Variants in NOX5 observed in about 807,000 individuals in gnomAD.
The protein encoded by NOX5 is NADPH oxidase, EF-hand calcium binding domain 5.
Under a neutral mutation model 85.7 loss-of-function variants are expected in NOX5, and 76 were observed. The ratio of observed to expected loss-of-function variants is 0.89; its 90% CI spans 0.74 to 1.07. The LOEUF is 1.07. Ranked by LOEUF, NOX5 falls within the 50% of genes least tolerant of loss-of-function variation. NOX5 has a pLI of 0.00. For synonymous variants in NOX5, 405 were observed against 401.4 expected, an observed-to-expected ratio of 1.01 and a Z score of -0.11; for missense variants, 973 against 999.5, an observed-to-expected ratio of 0.97 and a Z score of 0.36.
chr15:69,027,275 C>T (rs1438423703), intron 2 of NOX5, among the ~76,000 whole-genome samples: 2 of 152,126 alleles, frequency 1.3e-5, no homozygotes, highest in Non-Finnish European at 2.9e-5. Flanking sequence ...CCTCCTTTCA[C>T]AGCAAATATG....
At chr15:69,049,372 G>A (rs562553506) in intron 14 of NOX5, among the ~76,000 whole-genome samples, 89 of 150,800 alleles carry the variant, frequency 5.9e-4, no homozygotes, top group Non-Finnish European at 1.0e-3. Flanking sequence ...TTTTTTTCTC[G>A]TAGAGATGAA....
chr15:69,052,212 T>G (rs905456958), intron 14 of NOX5, among the ~76,000 whole-genome samples: 1 of 148,332 alleles, frequency 6.7e-6, no homozygotes, highest in African/African-American at 2.5e-5. Context: ...AGTAAGACCC[T>G]GTCTCAAAAA....
chr15:69,033,798 G>A lies in NOX5; in HGVS notation c.855+521G>A, dbSNP rs576524912. Among the ~76,000 whole-genome samples the A allele has an allele frequency of 7.6e-3, 1,138 of 149,378 alleles. 11 individuals carry two copies. Among genetic ancestry groups the A allele is most frequent in the Middle Eastern group, 0.017 (5 of 292 alleles). On this transcript the variant is annotated intron_variant, in intron 5 of 15. Coordinates refer to ENST00000388866, the MANE Select transcript of NOX5 (RefSeq NM_024505.4). Reference sequence around the variant, plus strand: ...CAACTTTTGCCTCCCGGGTTCAAGCGATCCTCCTGCCTCAGCCTCCCCGTA... The same window carrying A: ...CAACTTTTGCCTCCCGGGTTCAAGCAATCCTCCTGCCTCAGCCTCCCCGTA...
At chr15:69,037,233 G>T in intron 8 of NOX5, 23 bp downstream of exon 8, 1 of 1,602,700 alleles carries the variant, frequency 6.2e-7, no homozygotes, top group Non-Finnish European at 8.5e-7. Context: ...GGGATGGGGA[G>T]GTGCTTTTCC....
At position 69,056,843 on chromosome 15, in the gene NOX5, C is replaced by T; in HGVS notation, c.*147C>T. 1.0e-6 allele frequency: 1 copy of T among 969,498 alleles called. No individual in the cohort carries two copies. The highest frequency in any genetic ancestry group is 1.8e-5 in the South Asian group (1 of 55,178). 60.1% of individuals were successfully genotyped at this position (969,498 alleles called of 1,614,324 possible). On this transcript the variant is annotated 3_prime_UTR_variant, in exon 16 of 16. Transcript: ENST00000388866. Reference sequence around the variant, plus strand: ...CCCTAATCCTGCTCAACAGAGAGAACAGGAGACCCCAAGGGGCAGATGAAC... The same window carrying T: ...CCCTAATCCTGCTCAACAGAGAGAATAGGAGACCCCAAGGGGCAGATGAAC...
rs189602470 is a variant in NOX5 at position 69,044,105 on chromosome 15, A to G, written c.1647+1300A>G. Among the ~76,000 whole-genome samples, 24 of 151,928 alleles carry G rather than the reference A, an allele frequency of 1.6e-4. No individual in the cohort carries two copies. In the East Asian group the frequency reaches 4.5e-3, roughly 28 times the overall value. The stretch of plus-strand genomic sequence containing the variant: ...AGGCTGGGGCAGGAGAATCTCTTGA[A>G]CCCAGGAGGCAGAGGTTGCAGTGAG... On this transcript the variant is annotated intron_variant, in intron 10 of 15. Coordinates refer to ENST00000388866, the MANE Select transcript of NOX5 (RefSeq NM_024505.4).
intron 14 of NOX5, among the ~76,000 whole-genome samples, 173 bp downstream of exon 14, chr15:69,049,231 G>A (rs1333351361): frequency 4.8e-5 from 7 of 145,198 alleles, no homozygotes; most frequent in South Asian, 4.4e-4. Flanking sequence ...TCACTCTGTC[G>A]CCCAAGCTGA....
At position 69,055,516 on chromosome 15, in the gene NOX5, G is replaced by A. The variant is rs753187354; in HGVS notation, c.2166+16G>A. On this transcript the variant is annotated intron_variant, in intron 15 of 15. Transcript: ENST00000388866. The stretch of plus-strand genomic sequence containing the variant: ...CTGGAGCAAGGTAATGCCAACTGGA[G>A]CCCTGCAGCTTGCAGGTATGGATGA... 5.0e-6 allele frequency: 8 copies of A among 1,611,388 alleles called. No homozygotes were observed. The Admixed American group carries it at 1.3e-4, about 27-fold the overall frequency.
chr15:69,026,621 A>G lies in NOX5; in HGVS notation c.144A>G (p.Gln48=). 6.2e-7 allele frequency: 1 copy of G among 1,614,234 alleles called. No individual in the cohort carries two copies. Among genetic ancestry groups the G allele is most frequent in the East Asian group, 2.2e-5 (1 of 44,878 alleles). The change falls in exon 2 of 16, where the codon CAA becomes CAG. Residue 48 remains glutamine (Q), a synonymous_variant. Coordinates refer to ENST00000388866, the MANE Select transcript of NOX5 (RefSeq NM_024505.4). ...GAGAAGATGGGGAGATCAGCCTGCA[A>G]GAATTCAAAGCAGCTCTGCATGTGA... is the stretch of plus-strand genomic sequence containing the variant. ...IAGEDGEISL[Q]EFKAALHVKE... is the part of the protein sequence containing the mutation.
chr15:69,034,596 C>CATAAATAT (rs1450204431), intron 5 of NOX5, among the ~76,000 whole-genome samples: 1 of 152,202 alleles, frequency 6.6e-6, no homozygotes, highest in Non-Finnish European at 1.5e-5. Flanking sequence ...CCTTGGCAAA[C>CATAAATAT]ATAAATATAC....
Position 69,059,224 on chromosome 15 carries a change from A to C in NOX5, c.*2528A>C, listed in dbSNP as rs2050848677. The C allele has an allele frequency of 6.6e-6, 1 of 152,152 alleles. No individual in the cohort carries two copies. Among genetic ancestry groups the C allele is most frequent in the Non-Finnish European group, 1.5e-5 (1 of 68,044 alleles). 9.4% of individuals were successfully genotyped at this position (152,152 alleles called of 1,614,324 possible). A position where few individuals can be genotyped will look rare whatever the true frequency, so the allele number is the denominator to read the frequency against. ...GTGACGACCATATGCCCGTGTCCTG[A>C]GGTTTTCTCTCCAGACAGATTCCAG... On this transcript the variant is annotated 3_prime_UTR_variant, in exon 16 of 16. Coordinates refer to ENST00000388866, the MANE Select transcript of NOX5 (RefSeq NM_024505.4).
In NOX5 at chr15:69,042,765, C is replaced by T. The variant is rs528236853; in HGVS notation, c.1607C>T (p.Ser536Leu). Residue 536 changes from serine to leucine, a missense_variant, in exon 10 of 16, where the codon TCG becomes TTG. By Grantham distance (145) the Ser-to-Leu change is moderately radical. Coordinates refer to ENST00000388866, the MANE Select transcript of NOX5 (RefSeq NM_024505.4). The part of the protein sequence containing the change: ...DPLGRGSKRL[S>L]RSVTMRKSQR... ...CTGGGCCGTGGTTCTAAGAGGCTGT[C>T]GAGGAGTGTGACAATGAGAAAGAGT... 10 of 1,613,946 alleles carry T rather than the reference C, an allele frequency of 6.2e-6. No individual in the cohort carries two copies. Among genetic ancestry groups the T allele is most frequent in the Admixed American group, 3.3e-5 (2 of 60,000 alleles).
chr15:69,027,261 C>T (rs2050370213), intron 2 of NOX5, among the ~76,000 whole-genome samples: 1 of 152,154 alleles, frequency 6.6e-6, no homozygotes, highest in Non-Finnish European at 1.5e-5. Flanking sequence ...ACTCTAACGC[C>T]ACGCCTCCTT....
At chr15:69,020,641 G>T (rs1053963296) in intron 1 of NOX5, among the ~76,000 whole-genome samples, 16 of 151,140 alleles carry the variant, frequency 1.1e-4, no homozygotes, top group East Asian at 1.9e-4. Context: ...TATATATATA[G>T]ATATCAATTT....
At chr15:69,047,346 T>G (rs936204251) in intron 11 of NOX5, 67 bp from the exon 12 acceptor site, 33 of 1,488,732 alleles carry the variant, frequency 2.2e-5, no homozygotes, top group Non-Finnish European at 2.7e-5. Context: ...CCTGGGGACA[T>G]CCCCTGGTAG....
intron 15 of NOX5, among the ~76,000 whole-genome samples, chr15:69,056,324 C>G (rs1246977841): frequency 6.6e-6 from 1 of 152,138 alleles, no homozygotes. Flanking sequence ...ATTTCTGGCC[C>G]TGGTCCTCTA....
Position 69,057,385 on chromosome 15 carries a change from T to C in NOX5, c.*689T>C, listed in dbSNP as rs2050825952. 6.6e-6 allele frequency: 1 copy of C among 152,242 alleles called. No homozygotes were observed. The highest frequency in any genetic ancestry group is 1.5e-5 in the Non-Finnish European group (1 of 68,060). The allele number at this position is 152,242 out of a possible 1,614,324, so 9.4% of individuals were successfully genotyped here. ...ATTCTGATGATCTGGGAATGAAACC[T>C]GAAATATGTATTTTCCACCAAATCC... On this transcript the variant is annotated 3_prime_UTR_variant, in exon 16 of 16. Transcript: ENST00000388866.
chr15:69,017,775 TACACACACACACAC>T (rs35677555), intron 1 of NOX5, among the ~76,000 whole-genome samples: 7 of 146,838 alleles, frequency 4.8e-5, no homozygotes, highest in East Asian at 2.0e-4. Context: ...ATATATTTTA[TACACACACACACAC>T]ACACACACAC....
At position 69,020,456 on chromosome 15, in the gene NOX5, TA is replaced by T. The variant is rs568118518; in HGVS notation, c.50+5675del. Among the ~76,000 whole-genome samples, 1,116 of 152,182 alleles carry T rather than the reference TA, an allele frequency of 7.3e-3. 5 individuals carry two copies. The highest frequency in any genetic ancestry group is 0.012 in the Non-Finnish European group (788 of 67,968). On this transcript the variant is annotated intron_variant, in intron 1 of 15. Transcript: ENST00000388866. ...TTATAATTTGATCAGAAAATGTAAA[TA>T]AAATAGTATACTGTAGTTATCTAAT...
Sources: allele counts gnomAD v4.1 joint callset (sites outside exome capture counted in the v4.1 genomes callset), GRCh38; gene constraint gnomAD v4.1.1; transcripts MANE v1.5; gene names NCBI Gene and HGNC (gene_info 2026-07-23, HGNC 2026-07-21).